RGL1: variants seen among roughly 807,000 people sequenced by gnomAD.
The protein encoded by RGL1 is ral guanine nucleotide dissociation stimulator-like 1.
A neutral mutation model predicts 95.2 loss-of-function variants in RGL1; 24 were observed. That is an observed-to-expected ratio of 0.25 (90% CI 0.18 to 0.35). The LOEUF (loss-of-function observed/expected upper bound fraction) is 0.35. Among genes scored for constraint, RGL1 ranks in the 10% least tolerant of loss-of-function variants. The pLI, the probability that RGL1 is intolerant of heterozygous loss-of-function variation, is 1.00. For synonymous variants in RGL1, 329 were observed against 344.9 expected, an observed-to-expected ratio of 0.95 and a Z score of 0.51; for missense variants, 715 against 936.3, an observed-to-expected ratio of 0.76 and a Z score of 3.08.
chr1:183,762,027 G>C lies in RGL1; in HGVS notation c.132+19738G>C, dbSNP rs150624436. On this transcript the variant is annotated intron_variant, in intron 2 of 18. Coordinates refer to the RGL1 transcript ENST00000304685. ...TTGCTCTGGATTAGGCCTTGTTAAA[G>C]GGAATTTTGTGGCTAGTTTGATCTT... Among the ~76,000 whole-genome samples, 23 of 152,316 alleles carry C rather than the reference G, an allele frequency of 1.5e-4. No homozygotes were observed. The East Asian group carries it at 4.2e-3, about 28-fold the overall frequency.
intron 8 of RGL1, among the ~76,000 whole-genome samples, chr1:183,891,472 C>G (rs1034743802): frequency 1.3e-5 from 2 of 152,130 alleles, no homozygotes; most frequent in African/African-American, 4.8e-5. Flanking sequence ...GCAGCTTGTC[C>G]AGGATCATTC....
intron 1 of RGL1, among the ~76,000 whole-genome samples, chr1:183,665,344 G>A (rs1651956482): frequency 1.4e-5 from 2 of 148,042 alleles, no homozygotes; most frequent in South Asian, 4.2e-4. Context: ...ATATTGGTCT[G>A]TAGTTTTCTT....
chr1:183,898,062 T>C lies in RGL1; in HGVS notation c.1230+165T>C, dbSNP rs551307783. ...GTTCTCAGCAGCCCTGGGAGGTCTA[T>C]AGGAGAGAGATGATTACCCTCATTC... On this transcript the variant is annotated intron_variant, in intron 10 of 17. Coordinates refer to ENST00000360851, the MANE Select transcript of RGL1 (RefSeq NM_001297671.3). Among the ~76,000 whole-genome samples the C allele has an allele frequency of 2.6e-5, 4 of 152,264 alleles. No homozygotes were observed. In the South Asian group the frequency reaches 8.3e-4, roughly 32 times the overall value.
intron 1 of RGL1, among the ~76,000 whole-genome samples, chr1:183,805,988 T>C (rs4997669): frequency 0.017 from 727 of 42,264 alleles, no homozygotes; most frequent in Non-Finnish European, 0.02. Context: ...TTTTTTTTTT[T>C]TTTTTTTTTT....
At chr1:183,691,754 G>T (rs1274545336) in intron 1 of RGL1, among the ~76,000 whole-genome samples, 2 of 152,126 alleles carry the variant, frequency 1.3e-5, no homozygotes, top group Non-Finnish European at 2.9e-5. Context: ...GAGGACCTGA[G>T]AAATTTGTTG....
intron 1 of RGL1, among the ~76,000 whole-genome samples, chr1:183,661,591 A>G (rs1234050402): frequency 6.6e-6 from 1 of 151,656 alleles, no homozygotes. Flanking sequence ...AAAAGAGTCC[A>G]GGACCAGATG....
chr1:183,705,678 T>C (rs559243310), intron 1 of RGL1, among the ~76,000 whole-genome samples: 181 of 152,032 alleles, frequency 1.2e-3, no homozygotes, highest in Non-Finnish European at 2.0e-3. Flanking sequence ...GAAAAACAGG[T>C]GGTGTTGGAG....
intron 2 of RGL1, among the ~76,000 whole-genome samples, chr1:183,826,733 G>GTTTAC (rs1395085703): frequency 6.6e-6 from 1 of 152,134 alleles, no homozygotes; most frequent in East Asian, 1.9e-4. Context: ...GTTAAACTGT[G>GTTTAC]CTCCGGATGT....
chr1:183,828,862 A>G (rs1256825477), intron 2 of RGL1, among the ~76,000 whole-genome samples: 1 of 152,218 alleles, frequency 6.6e-6, no homozygotes, highest in Admixed American at 6.5e-5. Flanking sequence ...TCAGTCAATG[A>G]CAATGGAAAA....
At chr1:183,864,385 C>T (rs1665699115) in intron 3 of RGL1, among the ~76,000 whole-genome samples, 1 of 152,182 alleles carries the variant, frequency 6.6e-6, no homozygotes, top group South Asian at 2.1e-4. Flanking sequence ...ATGGATCCTT[C>T]TAGTCAGATA....
chr1:183,877,574 T>C lies in RGL1; in HGVS notation c.426-3042T>C, dbSNP rs576293911. 3.3e-5 allele frequency among the ~76,000 whole-genome samples: 5 copies of C among 152,338 alleles called. No individual in the cohort carries two copies. In the East Asian group the frequency reaches 9.6e-4, roughly 29 times the overall value. ...GGTGTGCTGAGAAACGCTCTGCCGA[T>C]GAGGAGGGCAGGGCTCTGCCTCGTG... is the stretch of plus-strand genomic sequence containing the variant. On this transcript the variant is annotated intron_variant, in intron 4 of 17. Coordinates refer to ENST00000360851, the MANE Select transcript of RGL1 (RefSeq NM_001297671.3).
intron 1 of RGL1, among the ~76,000 whole-genome samples, chr1:183,737,724 C>A (rs1242408398): frequency 6.6e-6 from 1 of 152,156 alleles, no homozygotes; most frequent in Non-Finnish European, 1.5e-5. Context: ...AGGCAGTATG[C>A]AATCACAATC....
At chr1:183,893,721 C>T (rs1667546036) in intron 9 of RGL1, among the ~76,000 whole-genome samples, 1 of 152,172 alleles carries the variant, frequency 6.6e-6, no homozygotes, top group South Asian at 2.1e-4. Flanking sequence ...CAGGTCTGTG[C>T]TCCAGGAGAA....
At position 183,826,005 on chromosome 1, in the gene RGL1, A is replaced by AAATCAATCAATC. The variant is rs60184863; in HGVS notation, c.138+19537_138+19548dup. 5.2e-3 allele frequency among the ~76,000 whole-genome samples: 762 copies of AAATCAATCAATC among 146,444 alleles called. 5 individuals carry two copies. The highest frequency in any genetic ancestry group is 8.1e-3 in the Non-Finnish European group (531 of 65,942). On this transcript the variant is annotated intron_variant, in intron 2 of 17. Transcript: ENST00000360851. ...TACTGAGACCCTGTTTCTATTTTTA[A>AAATCAATCAATC]AATCAATCAATCAATCAATCAATCA...
At chr1:183,796,457 C>T (rs1371266594) in intron 2 of RGL1, among the ~76,000 whole-genome samples, 3 of 152,082 alleles carry the variant, frequency 2.0e-5, no homozygotes, top group South Asian at 4.1e-4. Flanking sequence ...CCTCTGTGCC[C>T]GGCCTGTATC....
At chr1:183,772,097 G>A (rs138200414) in intron 2 of RGL1, among the ~76,000 whole-genome samples, 60 of 152,304 alleles carry the variant, frequency 3.9e-4, no homozygotes, top group African/African-American at 1.4e-3. Context: ...CTCCCCCATC[G>A]GTGGACAGCT....
rs938283101 is a variant in RGL1 at position 183,900,380 on chromosome 1, A to G, written c.1317+144A>G. The G allele has an allele frequency of 1.0e-5, 6 of 584,474 alleles. No individual in the cohort carries two copies. The Admixed American group carries it at 1.2e-4, about 12-fold the overall frequency. The allele number at this position is 584,474 out of a possible 1,614,324, so 36.2% of individuals were successfully genotyped here. Reference sequence around the variant, plus strand: ...TGTTAGGAGGAATACAAAGAATAACACCAAAGACTAACACCAGAAGTGGCT... The same window carrying G: ...TGTTAGGAGGAATACAAAGAATAACGCCAAAGACTAACACCAGAAGTGGCT... On this transcript the variant is annotated intron_variant, in intron 11 of 17. Transcript: ENST00000360851.
intron 14 of RGL1, among the ~76,000 whole-genome samples, chr1:183,909,902 G>T (rs1292592905): frequency 6.6e-6 from 1 of 151,944 alleles, no homozygotes; most frequent in Admixed American, 6.6e-5. Context: ...TCTTTATTTT[G>T]CCCTCCTTCT....
intron 4 of RGL1, among the ~76,000 whole-genome samples, chr1:183,868,527 A>G (rs1665971061): frequency 6.6e-6 from 1 of 152,212 alleles, no homozygotes; most frequent in African/African-American, 2.4e-5. Flanking sequence ...CTAATGGATT[A>G]GAATCTGCAT....
Sources: allele counts gnomAD v4.1 joint callset (sites outside exome capture counted in the v4.1 genomes callset), GRCh38; gene constraint gnomAD v4.1.1; transcripts MANE v1.5; gene names NCBI Gene and HGNC (gene_info 2026-07-23, HGNC 2026-07-21).